The following LPAR1 variants were observed in gnomAD, a reference collection of about 807,000 sequenced individuals.
LPAR1 encodes the protein lysophosphatidic acid receptor 1, also known as LPA receptor 1.
Under a neutral mutation model 23.8 loss-of-function variants are expected in LPAR1, and 5 were observed. The observed-to-expected ratio is 0.21, with a 90% CI of 0.11 to 0.44. The LOEUF is 0.44. Ranked by LOEUF, LPAR1 falls within the 20% of genes least tolerant of loss-of-function variation. LPAR1 has a pLI of 0.99. For missense variants in LPAR1, 311 were observed against 482.8 expected (o/e 0.64, Z 3.33); for synonymous variants, 160 against 164.7 (o/e 0.97, Z 0.22).
intron 1 of LPAR1, among the ~76,000 whole-genome samples, chr9:111,037,128 C>G (rs2097910320): frequency 6.6e-6 from 1 of 152,198 alleles, no homozygotes; most frequent in African/African-American, 2.4e-5. Flanking sequence ...TTATGCTTAG[C>G]TGAGCAAACA....
At chr9:111,035,412 CAG>C (rs1174545378) in intron 2 of LPAR1, among the ~76,000 whole-genome samples, 3 of 152,092 alleles carry the variant, frequency 2.0e-5, no homozygotes, top group Non-Finnish European at 4.4e-5. Context: ...TTTATAGAGA[CAG>C]AGTCTCACTA....
chr9:110,885,289 C>T (rs1386327367), intron 5 of LPAR1, among the ~76,000 whole-genome samples: 3 of 152,054 alleles, frequency 2.0e-5, no homozygotes, highest in Non-Finnish European at 2.9e-5. Flanking sequence ...AATGTCTATT[C>T]GTTATGCAGG....
intron 5 of LPAR1, among the ~76,000 whole-genome samples, chr9:110,896,423 C>A (rs1262911584): frequency 6.6e-6 from 1 of 152,184 alleles, no homozygotes; most frequent in Non-Finnish European, 1.5e-5. Flanking sequence ...GGGCAACCCA[C>A]ACTTGAAACA....
intron 2 of LPAR1, among the ~76,000 whole-genome samples, chr9:111,028,211 A>C (rs559384601): frequency 1.3e-5 from 2 of 152,064 alleles, no homozygotes; most frequent in Admixed American, 1.3e-4. Flanking sequence ...GCTCACTGCA[A>C]CCTTAGCCTC....
intron 2 of LPAR1, among the ~76,000 whole-genome samples, chr9:111,000,465 G>T (rs952816533): frequency 3.9e-5 from 6 of 152,164 alleles, no homozygotes; most frequent in African/African-American, 1.4e-4. Flanking sequence ...GCCTCCAGAG[G>T]TAGTCACCAG....
intron 2 of LPAR1, among the ~76,000 whole-genome samples, chr9:111,026,583 G>A (rs1421257543): frequency 6.6e-6 from 1 of 152,204 alleles, no homozygotes; most frequent in Non-Finnish European, 1.5e-5. Context: ...AGTGGTGAAA[G>A]AGGGCATCCT....
intron 4 of LPAR1, among the ~76,000 whole-genome samples, chr9:110,966,234 A>T (rs2096215955): frequency 1.3e-5 from 2 of 152,148 alleles, no homozygotes; most frequent in Admixed American, 1.3e-4. Context: ...TAATCTCAGC[A>T]CTTTGGCAGG....
At chr9:110,985,858 A>C (rs150874272) in intron 2 of LPAR1, among the ~76,000 whole-genome samples, 145 of 152,154 alleles carry the variant, frequency 9.5e-4, no homozygotes, top group African/African-American at 3.3e-3. Flanking sequence ...ATGGGAGAAA[A>C]TCTCTACTTA....
At chr9:110,908,572 C>G (rs1253259608) in intron 5 of LPAR1, among the ~76,000 whole-genome samples, 2 of 152,164 alleles carry the variant, frequency 1.3e-5, no homozygotes, top group African/African-American at 2.4e-5. Flanking sequence ...ACATTCTGGT[C>G]TTTCAGAGAG....
At chr9:110,884,195 T>C (rs1456810232) in intron 5 of LPAR1, among the ~76,000 whole-genome samples, 1 of 152,134 alleles carries the variant, frequency 6.6e-6, no homozygotes, top group Non-Finnish European at 1.5e-5. Context: ...TTCCATTCCT[T>C]TCAGTCTATC....
chr9:110,999,768 C>T (rs764924947), intron 2 of LPAR1, among the ~76,000 whole-genome samples: 7 of 151,992 alleles, frequency 4.6e-5, no homozygotes, highest in African/African-American at 9.7e-5. Context: ...TGGAGTGGCG[C>T]GATCTACCTC....
intron 5 of LPAR1, among the ~76,000 whole-genome samples, chr9:110,884,151 G>C (rs78515225): frequency 0.048 from 7,274 of 152,188 alleles, 229 homozygotes; most frequent in Non-Finnish European, 0.063. Flanking sequence ...GCTTTGTCTT[G>C]CACTGCATGT....
chr9:110,949,399 T>G (rs1564139877), intron 4 of LPAR1, among the ~76,000 whole-genome samples: 1 of 152,358 alleles, frequency 6.6e-6, no homozygotes, highest in East Asian at 1.9e-4. Context: ...TTTCCACTTC[T>G]ATTGGTTCAA....
intron 4 of LPAR1, among the ~76,000 whole-genome samples, chr9:110,944,618 TCTTAGCC>T (rs1176048218): frequency 6.6e-6 from 1 of 152,120 alleles, no homozygotes; most frequent in Non-Finnish European, 1.5e-5. Flanking sequence ...ATATGCAGCT[TCTTAGCC>T]CTTCCCACAG....
rs76737869 is a variant in LPAR1, at chr9:110,972,353, G to A, written c.-103-133C>T. The stretch of plus-strand genomic sequence containing the variant: ...ACTAGCTTAATGCAAACAGAAAGCC[G>A]GTAGGGAAAAGCTAAGGTCTAAAAG... On this transcript the variant is annotated intron_variant, in intron 3 of 5. Transcript: ENST00000683809. 5.4e-4 allele frequency: 270 copies of A among 504,604 alleles called. 6 individuals carry two copies. The highest frequency in any genetic ancestry group is 5.0e-3 in the African/African-American group (258 of 51,390). The allele number at this position is 504,604 out of a possible 1,614,324, so 31.3% of individuals were successfully genotyped here. A position where few individuals can be genotyped will look rare whatever the true frequency, so the allele number is the denominator to read the frequency against.
chr9:111,021,947 G>A (rs528523449), intron 2 of LPAR1, among the ~76,000 whole-genome samples: 2 of 111,966 alleles, frequency 1.8e-5, no homozygotes, highest in South Asian at 6.4e-4. Flanking sequence ...CTGGGTGACA[G>A]AGCGAGACTC....
At chr9:110,921,251 G>A (rs968013230) in intron 5 of LPAR1, among the ~76,000 whole-genome samples, 1 of 152,188 alleles carries the variant, frequency 6.6e-6, no homozygotes, top group Admixed American at 6.5e-5. Context: ...TCCAGTATAG[G>A]TGACAGAGCA....
chr9:110,987,397 C>T (rs889740834), intron 2 of LPAR1, among the ~76,000 whole-genome samples: 1 of 150,622 alleles, frequency 6.6e-6, no homozygotes, highest in Non-Finnish European at 1.5e-5. Flanking sequence ...AATATTTCAA[C>T]TCCCAATAAT....
rs59084376 is a variant in LPAR1, at chr9:110,967,953, C to G, written c.45+4120G>C. Among the ~76,000 whole-genome samples, 1,079 of 152,294 alleles carry G rather than the reference C, an allele frequency of 7.1e-3. 17 individuals carry two copies. The highest frequency in any genetic ancestry group is 0.024 in the African/African-American group (1,012 of 41,548). ...TCCCAGTGTATAGCTGACTCCTTCC[C>G]CGTGGGCTTAGTTCCCCAACCATCA... is the stretch of plus-strand genomic sequence containing the variant. On this transcript the variant is annotated intron_variant, in intron 4 of 5. Coordinates refer to ENST00000683809, the MANE Select transcript of LPAR1 (RefSeq NM_001351411.2).
Sources: gnomAD v4.1 joint callset for allele counts (sites outside exome capture counted in the v4.1 genomes callset) on GRCh38, gnomAD v4.1.1 for gene constraint, MANE v1.5 for transcripts, NCBI Gene and HGNC (gene_info 2026-07-23, HGNC 2026-07-21) for gene names.